The following FAM161A variants were observed in gnomAD, a reference collection of about 807,000 sequenced individuals.
FAM161A encodes the protein protein FAM161A.
Under a neutral mutation model 70.9 loss-of-function variants are expected in FAM161A, and 57 were observed. That is an observed-to-expected ratio of 0.80 (90% CI 0.65 to 1.00). The LOEUF (loss-of-function observed/expected upper bound fraction) is 1.00, where lower values mean the gene tolerates loss of function less well. Among genes scored for constraint, FAM161A ranks in the 50% least tolerant of loss-of-function variants. FAM161A has a pLI of 0.00. For synonymous variants in FAM161A, 299 were observed against 295.7 expected (o/e 1.01, Z -0.12); for missense variants, 880 against 836.0 (o/e 1.05, Z -0.65).
chr2:61,804,768 G>GAA, the FAM161A span, among the ~76,000 whole-genome samples: 8,997 of 118,996 alleles, frequency 0.076, 406 homozygotes, highest in African/African-American at 0.093. Context: ...GAAAAAGAAA[G>GAA]AGAAAGAAAG....
At chr2:61,816,703 A>AAG in the FAM161A span, among the ~76,000 whole-genome samples, 3 of 152,080 alleles carry the variant, frequency 2.0e-5, no homozygotes, top group Non-Finnish European at 4.4e-5. Flanking sequence ...ACTCCTGGAC[A>AAG]TGATCTTCCC....
chr2:61,820,007 G>A (rs1672170339), downstream of FAM161A, among the ~76,000 whole-genome samples: 3 of 152,192 alleles, frequency 2.0e-5, no homozygotes, highest in Admixed American at 2.0e-4. Flanking sequence ...AGTAAATGAT[G>A]GACCTCACTG....
chr2:61,815,535 CTTTTTTTTTTTTTTTTTTT>C, the FAM161A span, among the ~76,000 whole-genome samples: 7 of 53,238 alleles, frequency 1.3e-4, no homozygotes, highest in Admixed American at 6.0e-4. Context: ...AAAGATGTGT[CTTTTTTTTTTTTTTTTTTT>C]TTTTTTTTTT....
the FAM161A span, among the ~76,000 whole-genome samples, chr2:61,806,863 T>C: frequency 1.3e-5 from 2 of 150,866 alleles, no homozygotes; most frequent in African/African-American, 4.9e-5. Context: ...CAGCTAATTT[T>C]TTCTATTTTT....
rs559361075 is a variant in FAM161A, at chr2:61,843,509, T to G, written c.184-1149A>C. 1.1e-4 allele frequency among the ~76,000 whole-genome samples: 16 copies of G among 152,312 alleles called. No homozygotes were observed. In the South Asian group the frequency reaches 2.3e-3, roughly 22 times the overall value. ...TATAAAATTTTTATTATGTTCTCAG[T>G]TGAGAAACAGTTGAAATTATTTATG... On this transcript the variant is annotated intron_variant, in intron 1 of 6. Coordinates refer to ENST00000404929, the MANE Select transcript of FAM161A (RefSeq NM_001201543.2).
the FAM161A span, among the ~76,000 whole-genome samples, chr2:61,814,476 T>G: frequency 6.6e-6 from 1 of 152,206 alleles, no homozygotes; most frequent in Non-Finnish European, 1.5e-5. Flanking sequence ...AATCTGTATC[T>G]CTGCTTCTCT....
chr2:61,848,828 C>A (rs376340637), intron 1 of FAM161A, among the ~76,000 whole-genome samples: 128 of 4,126 alleles, frequency 0.031, 34 homozygotes, highest in East Asian at 0.071. Context: ...ATATATATAT[C>A]TATATATATT....
chr2:61,839,562 T>C lies in FAM161A; in HGVS notation c.1442A>G (p.Glu481Gly). 1 of 1,614,246 alleles carries C rather than the reference T, an allele frequency of 6.2e-7. No individual in the cohort carries two copies. The highest frequency in any genetic ancestry group is 1.1e-5 in the South Asian group (1 of 91,090). Residue 481 changes from glutamate (E) to glycine (G), a missense_variant, in exon 3 of 7, where the codon GAA becomes GGA. Glu to Gly is a moderately conservative substitution (Grantham distance 98, BLOSUM62 -2). Transcript: ENST00000404929. ...KILADIEADE[E>G]NLKETRWPYL... is the part of the protein sequence containing the mutation. ...AGGCCAACGTGTTTCTTTTAAATTT[T>C]CTTCATCTGCTTCGATGTCTGCCAA...
At chr2:61,820,572 G>T, downstream of FAM161A, 1 of 734,870 alleles carries the variant, frequency 1.4e-6, no homozygotes, top group South Asian at 1.4e-5. Flanking sequence ...GAGACAGTAG[G>T]ATAAATGTGA....
chr2:61,824,848 T>C lies in FAM161A; in HGVS notation c.*1607A>G, dbSNP rs775523313. 6 of 386,366 alleles carry C rather than the reference T, an allele frequency of 1.6e-5. No homozygotes were observed. Among genetic ancestry groups the C allele is most frequent in the South Asian group, 1.0e-4 (5 of 50,160 alleles). The allele number at this position is 386,366 out of a possible 1,614,324, so 23.9% of individuals were successfully genotyped here. Reference sequence around the variant, plus strand: ...TAGCTGTAAGTATATAAAAACCATATTCATCTACACACTCATTCAAACCTT... The same window carrying C: ...TAGCTGTAAGTATATAAAAACCATACTCATCTACACACTCATTCAAACCTT... On this transcript the variant is annotated 3_prime_UTR_variant, in exon 7 of 7. Coordinates refer to ENST00000404929, the MANE Select transcript of FAM161A (RefSeq NM_001201543.2).
At chr2:61,824,193 A>ATTT (rs5831622), downstream of FAM161A, among the ~76,000 whole-genome samples, 981 of 127,772 alleles carry the variant, frequency 7.7e-3, 17 homozygotes, top group East Asian at 0.02. Flanking sequence ...CGCCTGGCTA[A>ATTT]TTTTTTTTTT....
chr2:61,845,751 C>T (rs530953005), intron 1 of FAM161A, among the ~76,000 whole-genome samples: 3 of 151,220 alleles, frequency 2.0e-5, no homozygotes, highest in South Asian at 2.1e-4. Context: ...GCCGTGAGCG[C>T]GCCACTGCAC....
At chr2:61,808,619 C>G in the FAM161A span, among the ~76,000 whole-genome samples, 2 of 152,062 alleles carry the variant, frequency 1.3e-5, no homozygotes, top group African/African-American at 2.4e-5. Context: ...TCAGTTGGCT[C>G]TTTTTCTTTT....
At chr2:61,815,792 C>T in the FAM161A span, among the ~76,000 whole-genome samples, 1 of 151,846 alleles carries the variant, frequency 6.6e-6, no homozygotes, top group Non-Finnish European at 1.5e-5. Flanking sequence ...CTCAAGTGAT[C>T]CCCGCACCTC....
chr2:61,809,899 G>A, the FAM161A span, among the ~76,000 whole-genome samples: 6 of 152,176 alleles, frequency 3.9e-5, no homozygotes, highest in African/African-American at 7.2e-5. Flanking sequence ...GGAGGAAAGG[G>A]TATTGGGACT....
chr2:61,834,016 C>G (rs977717075), intron 5 of FAM161A, among the ~76,000 whole-genome samples: 1 of 152,144 alleles, frequency 6.6e-6, no homozygotes, highest in African/African-American at 2.4e-5. Flanking sequence ...GAGTGAAACC[C>G]TGTCTCTAAA....
At chr2:61,800,983 C>T in the FAM161A span, among the ~76,000 whole-genome samples, 16 of 151,586 alleles carry the variant, frequency 1.1e-4, no homozygotes, top group Admixed American at 9.9e-4. Flanking sequence ...TTTGTGGAGA[C>T]GAGGTTTCAC....
At position 61,825,379 on chromosome 2, in the gene FAM161A, C is replaced by G; in HGVS notation, c.*1076G>C. ...GACTTGCCCTAGCCAAGTTATTATG[C>G]ACAATTTCATCATATAAAAAAAGGG... On this transcript the variant is annotated 3_prime_UTR_variant, in exon 7 of 7. Transcript: ENST00000404929. 1 of 454,066 alleles carries G rather than the reference C, an allele frequency of 2.2e-6. No individual in the cohort carries two copies. The highest frequency in any genetic ancestry group is 4.4e-6 in the Non-Finnish European group (1 of 226,760). 28.1% of individuals were successfully genotyped at this position (454,066 alleles called of 1,614,324 possible). A position where few individuals can be genotyped will look rare whatever the true frequency, so the allele number is the denominator to read the frequency against.
At chr2:61,801,590 G>T in the FAM161A span, among the ~76,000 whole-genome samples, 2 of 147,128 alleles carry the variant, frequency 1.4e-5, no homozygotes, top group African/African-American at 5.0e-5. Flanking sequence ...TTTTGAGATA[G>T]AGTTTCGCTC....
Sources: gnomAD v4.1 joint callset for allele counts (sites outside exome capture counted in the v4.1 genomes callset) on GRCh38, gnomAD v4.1.1 for gene constraint, MANE v1.5 for transcripts, NCBI Gene and HGNC (gene_info 2026-07-23, HGNC 2026-07-21) for gene names.